PTPRD: variants seen among roughly 807,000 people sequenced by gnomAD.
PTPRD encodes the protein protein tyrosine phosphatase receptor type D.
PTPRD carries 34 observed loss-of-function variants against 214.5 expected under a neutral mutation model. The observed-to-expected ratio is 0.16, with a 90% CI of 0.12 to 0.21. PTPRD has a LOEUF of 0.21. Ranked by LOEUF, PTPRD falls within the 10% of genes least tolerant of loss-of-function variation. PTPRD has a pLI of 1.00. For missense variants in PTPRD, 2,545 were observed against 2,398.7 expected (o/e 1.06, Z -1.27); for synonymous variants, 1,128 against 845.7 (o/e 1.33, Z -5.79).
At chr9:10,427,057 T>C (rs1034241774) in intron 2 of PTPRD, among the ~76,000 whole-genome samples, 5 of 152,066 alleles carry the variant, frequency 3.3e-5, no homozygotes, top group Admixed American at 3.3e-4. Flanking sequence ...TTGGGGGGTA[T>C]TGTTTTTCTT....
At chr9:9,268,431 A>C (rs1230258762) in intron 9 of PTPRD, among the ~76,000 whole-genome samples, 1 of 151,198 alleles carries the variant, frequency 6.6e-6, no homozygotes, top group Non-Finnish European at 1.5e-5. Flanking sequence ...GTCAAAACAT[A>C]CTTCTCAAAG....
intron 12 of PTPRD, among the ~76,000 whole-genome samples, chr9:8,654,386 T>C (rs2096870132): frequency 6.6e-6 from 1 of 152,142 alleles, no homozygotes; most frequent in African/African-American, 2.4e-5. Context: ...TGGGTACTCC[T>C]CCGATATTAC....
rs375347465 is a variant in PTPRD, at chr9:9,542,709, G to A, written c.-237+32023C>T. On this transcript the variant is annotated intron_variant, in intron 8 of 45. Coordinates refer to ENST00000381196, the MANE Select transcript of PTPRD (RefSeq NM_002839.4). ...GAATGGTCACCAATCAAGTGAAAAC[G>A]GTACTCAACATCATTAGTCATTACA... 6.6e-5 allele frequency among the ~76,000 whole-genome samples: 10 copies of A among 151,618 alleles called. No homozygotes were observed. The East Asian group carries it at 1.6e-3, about 24-fold the overall frequency.
chr9:9,726,645 C>T (rs1039533700), intron 7 of PTPRD, among the ~76,000 whole-genome samples: 5 of 152,144 alleles, frequency 3.3e-5, no homozygotes, highest in Non-Finnish European at 5.9e-5. Flanking sequence ...TAAGCCAATT[C>T]AGCATCAACT....
chr9:9,095,460 T>C (rs1254700001), intron 10 of PTPRD, among the ~76,000 whole-genome samples: 1 of 152,150 alleles, frequency 6.6e-6, no homozygotes, highest in Non-Finnish European at 1.5e-5. Context: ...TTTCTCCAGA[T>C]TGAGCTGTGG....
intron 9 of PTPRD, among the ~76,000 whole-genome samples, chr9:9,342,076 TG>T (rs1295770792): frequency 2.8e-4 from 43 of 152,264 alleles, no homozygotes; most frequent in African/African-American, 9.6e-4. Context: ...CCCAAAGTGC[TG>T]GGATTACAGG....
chr9:8,479,922 C>A (rs2096844901), intron 30 of PTPRD, among the ~76,000 whole-genome samples: 1 of 152,050 alleles, frequency 6.6e-6, no homozygotes, highest in Non-Finnish European at 1.5e-5. Flanking sequence ...CTCACACTAT[C>A]AGACTCAGAT....
chr9:8,956,118 C>G (rs986154892), intron 11 of PTPRD, among the ~76,000 whole-genome samples: 3 of 151,818 alleles, frequency 2.0e-5, no homozygotes, highest in African/African-American at 7.2e-5. Flanking sequence ...CAATAAATTA[C>G]AATGTCAGAA....
chr9:8,507,570 C>T, intron 21 of PTPRD, 136 bp from the exon 22 acceptor site: 2 of 1,037,466 alleles, frequency 1.9e-6, no homozygotes, highest in Non-Finnish European at 1.4e-6. Flanking sequence ...GCTCCTTTAC[C>T]TTGTCCAAGT....
intron 3 of PTPRD, among the ~76,000 whole-genome samples, chr9:10,208,057 A>G (rs2099492996): frequency 6.6e-6 from 1 of 152,162 alleles, no homozygotes; most frequent in Non-Finnish European, 1.5e-5. Flanking sequence ...TCATAAACCT[A>G]AATATAGCTC....
intron 10 of PTPRD, among the ~76,000 whole-genome samples, chr9:9,040,187 G>C (rs569665826): frequency 4.6e-5 from 7 of 152,312 alleles, no homozygotes; most frequent in African/African-American, 1.7e-4. Context: ...TTTCACTGAT[G>C]TGGAATTGGA....
rs184856454 is a variant in PTPRD at position 8,519,939 on chromosome 9, A to C, written c.961+1338T>G. 5.1e-3 allele frequency among the ~76,000 whole-genome samples: 781 copies of C among 152,328 alleles called. 5 individuals carry two copies. The highest frequency in any genetic ancestry group is 9.1e-3 in the Non-Finnish European group (620 of 68,024). On this transcript the variant is annotated intron_variant, in intron 20 of 45. Transcript: ENST00000381196. ...TAAAGCTGAAATGGTAATTATAAAA[A>C]AGGTGATTCAATATTTACACACTAC...
chr9:9,246,762 T>A (rs929801144), intron 9 of PTPRD, among the ~76,000 whole-genome samples: 1 of 152,096 alleles, frequency 6.6e-6, no homozygotes. Flanking sequence ...GAGAGATTGG[T>A]TCCATTGCTC....
At chr9:9,539,702 G>C (rs894467178) in intron 8 of PTPRD, among the ~76,000 whole-genome samples, 29 of 151,950 alleles carry the variant, frequency 1.9e-4, no homozygotes, top group African/African-American at 7.0e-4. Context: ...AACTGGGAGT[G>C]TTGTCCATTT....
At chr9:9,140,926 A>G (rs1324665910) in intron 10 of PTPRD, among the ~76,000 whole-genome samples, 2 of 152,140 alleles carry the variant, frequency 1.3e-5, no homozygotes, top group East Asian at 1.9e-4. Flanking sequence ...CTTCCTGGGA[A>G]TGAAGCTGGA....
At chr9:9,605,392 G>A (rs990583919) in intron 7 of PTPRD, among the ~76,000 whole-genome samples, 1 of 151,986 alleles carries the variant, frequency 6.6e-6, no homozygotes, top group Non-Finnish European at 1.5e-5. Context: ...CTTAAATGAA[G>A]AAATAAGTAG....
At chr9:8,560,264 A>G (rs1022493303) in intron 14 of PTPRD, among the ~76,000 whole-genome samples, 57 of 152,136 alleles carry the variant, frequency 3.7e-4, no homozygotes, top group African/African-American at 1.4e-3. Context: ...AATGAGATGA[A>G]TTTTTAAACT....
intron 35 of PTPRD, among the ~76,000 whole-genome samples, chr9:8,418,385 T>A (rs936773736): frequency 1.3e-5 from 2 of 152,116 alleles, no homozygotes; most frequent in African/African-American, 4.8e-5. Flanking sequence ...TAGCTACGTT[T>A]AGCCTTGTAG....
chr9:9,567,938 G>T (rs1399934256), intron 8 of PTPRD, among the ~76,000 whole-genome samples: 2 of 151,794 alleles, frequency 1.3e-5, no homozygotes, highest in Non-Finnish European at 2.9e-5. Flanking sequence ...ATAAAAAGAA[G>T]GCAAAATCCC....
Sources: allele counts gnomAD v4.1 joint callset (sites outside exome capture counted in the v4.1 genomes callset), GRCh38; gene constraint gnomAD v4.1.1; transcripts MANE v1.5; gene names NCBI Gene and HGNC (gene_info 2026-07-23, HGNC 2026-07-21).